Variants in DLG2 observed in about 807,000 individuals in gnomAD.
DLG2 encodes disks large homolog 2.
In DLG2, 45 loss-of-function variants were observed where a neutral mutation model predicts 132.5. That is an observed-to-expected ratio of 0.34 (90% CI 0.27 to 0.44). DLG2 has a LOEUF of 0.44. DLG2 is among the 20% of genes least tolerant of loss of function. The pLI, the probability that DLG2 is intolerant of heterozygous loss-of-function variation, is 1.00. For synonymous variants in DLG2, 424 were observed against 419.6 expected, an observed-to-expected ratio of 1.01 and a Z score of -0.13; for missense variants, 1,045 against 1,196.9, an observed-to-expected ratio of 0.87 and a Z score of 1.87.
chr11:83,802,121 A>G (rs2044575779), intron 17 of DLG2, among the ~76,000 whole-genome samples: 1 of 151,612 alleles, frequency 6.6e-6, no homozygotes, highest in Non-Finnish European at 1.5e-5. Context: ...CAGGCTAGAT[A>G]GCAGTGACAT....
chr11:84,114,950 G>A (rs758983231), intron 9 of DLG2, among the ~76,000 whole-genome samples: 1 of 151,872 alleles, frequency 6.6e-6, no homozygotes, highest in Non-Finnish European at 1.5e-5. Flanking sequence ...AATTACAGGA[G>A]TGAGCCACCT....
Position 84,506,079 on chromosome 11 carries a change from C to CTTTTTTTTTTTTTTTTTTTTTTTTTTT in DLG2, c.519+28490_519+28491insAAAAAAAAAAAAAAAAAAAAAAAAAAA, listed in dbSNP as rs779039240. 4.2e-4 allele frequency among the ~76,000 whole-genome samples: 45 copies of CTTTTTTTTTTTTTTTTTTTTTTTTTTT among 107,004 alleles called. 15 individuals are homozygous for CTTTTTTTTTTTTTTTTTTTTTTTTTTT. Among genetic ancestry groups the CTTTTTTTTTTTTTTTTTTTTTTTTTTT allele is most frequent in the African/African-American group, 2.2e-3 (44 of 19,720 alleles). 70.2% of individuals were successfully genotyped at this position (107,004 alleles called of 152,430 possible). A position where few individuals can be genotyped will look rare whatever the true frequency, so the allele number is the denominator to read the frequency against. ...CTAATGTTATGACAGAGGCTCAGTTCTTTTTTTTTTTTTTGAGACGGAGTC... is the reference window on the plus strand; with the variant it reads ...CTAATGTTATGACAGAGGCTCAGTTCTTTTTTTTTTTTTTTTTTTTTTTTTTTTTTTTTTTTTTTTTGAGACGGAGTC... On this transcript the variant is annotated intron_variant, in intron 7 of 27. Transcript: ENST00000376104.
At chr11:84,963,751 G>A (rs568383614) in intron 6 of DLG2, among the ~76,000 whole-genome samples, 41 of 152,198 alleles carry the variant, frequency 2.7e-4, no homozygotes, top group Non-Finnish European at 4.1e-4. Flanking sequence ...TGTCATGCTC[G>A]TGATTATCAT....
intron 14 of DLG2, among the ~76,000 whole-genome samples, chr11:83,947,304 T>C (rs1325606210): frequency 6.6e-6 from 1 of 152,334 alleles, no homozygotes; most frequent in South Asian, 2.1e-4. Flanking sequence ...TTTGCATGAC[T>C]TTTACAATTA....
At chr11:83,972,612 C>T (rs2091543114) in intron 12 of DLG2, among the ~76,000 whole-genome samples, 1 of 151,974 alleles carries the variant, frequency 6.6e-6, no homozygotes, top group Admixed American at 6.6e-5. Flanking sequence ...AAATAGTTGG[C>T]ACTTAATAAG....
chr11:84,331,836 A>C (rs2098461114), intron 7 of DLG2, among the ~76,000 whole-genome samples: 1 of 152,306 alleles, frequency 6.6e-6, no homozygotes, highest in Non-Finnish European at 1.5e-5. Flanking sequence ...GATCTCACGC[A>C]TAAGCCAATA....
At chr11:84,969,074 C>CAAA (rs375526999) in intron 6 of DLG2, among the ~76,000 whole-genome samples, 1 of 111,740 alleles carries the variant, frequency 8.9e-6, no homozygotes, top group Non-Finnish European at 1.9e-5. Context: ...TCTTCACTTG[C>CAAA]AAAAAAAAAA....
intron 5 of DLG2, among the ~76,000 whole-genome samples, chr11:85,153,186 T>G (rs1207877127): frequency 6.6e-6 from 1 of 152,210 alleles, no homozygotes; most frequent in Non-Finnish European, 1.5e-5. Flanking sequence ...ACATGACTAA[T>G]TTGTGATAGA....
At chr11:83,658,502 A>G (rs2073360258) in intron 18 of DLG2, among the ~76,000 whole-genome samples, 1 of 152,256 alleles carries the variant, frequency 6.6e-6, no homozygotes, top group Non-Finnish European at 1.5e-5. Context: ...TAGCTAAAGT[A>G]TATTTTGCAA....
chr11:83,947,503 T>C (rs1242673734), intron 14 of DLG2, among the ~76,000 whole-genome samples: 1 of 152,168 alleles, frequency 6.6e-6, no homozygotes, highest in Non-Finnish European at 1.5e-5. Flanking sequence ...ATTCACTTCT[T>C]AACCTCACTC....
rs1222486667 is a variant in DLG2 at position 84,307,695 on chromosome 11, C to CAAAAAAAA, written c.520-56412_520-56405dup. ...TGGGTGAAAGAGCGAGACGCAGTCT[C>CAAAAAAAA]AAAAAAAAAAAAAAAAAAAAAGAAG... On this transcript the variant is annotated intron_variant, in intron 7 of 27. Coordinates refer to ENST00000376104, the MANE Select transcript of DLG2 (RefSeq NM_001142699.3). Among the ~76,000 whole-genome samples, 89 of 77,962 alleles carry CAAAAAAAA rather than the reference C, an allele frequency of 1.1e-3. 2 individuals carry two copies. Among genetic ancestry groups the CAAAAAAAA allele is most frequent in the African/African-American group, 3.4e-3 (62 of 18,494 alleles). The allele number at this position is 77,962 out of a possible 152,430, so 51.1% of individuals were successfully genotyped here.
At chr11:85,267,125 G>A (rs138814296) in intron 4 of DLG2, among the ~76,000 whole-genome samples, 2 of 152,268 alleles carry the variant, frequency 1.3e-5, no homozygotes, top group East Asian at 3.9e-4. Context: ...GCCTTTGAAA[G>A]GTAATTGGGT....
At chr11:85,167,694 A>T (rs1487074594) in intron 4 of DLG2, among the ~76,000 whole-genome samples, 1 of 152,138 alleles carries the variant, frequency 6.6e-6, no homozygotes, top group African/African-American at 2.4e-5. Context: ...TTCAGCATAA[A>T]AATACACAGG....
intron 10 of DLG2, among the ~76,000 whole-genome samples, chr11:84,092,600 G>A (rs981218347): frequency 5.9e-5 from 9 of 152,158 alleles, no homozygotes; most frequent in African/African-American, 1.9e-4. Context: ...TTGATTTGAA[G>A]TCTGGTCTAC....
intron 4 of DLG2, among the ~76,000 whole-genome samples, chr11:85,194,180 C>A (rs529497527): frequency 6.6e-6 from 1 of 152,318 alleles, no homozygotes; most frequent in East Asian, 1.9e-4. Context: ...CATTTGGAGT[C>A]TGTGAAGACT....
intron 3 of DLG2, among the ~76,000 whole-genome samples, chr11:85,495,311 C>T (rs286526): frequency 0.76 from 115,309 of 152,020 alleles, 44,914 homozygotes; most frequent in Middle Eastern, 0.89. Flanking sequence ...TCTAGCAATT[C>T]ATCTCTTAGA....
chr11:85,427,059 A>G (rs938620296), intron 3 of DLG2, among the ~76,000 whole-genome samples: 4 of 152,216 alleles, frequency 2.6e-5, no homozygotes, highest in Admixed American at 6.5e-5. Flanking sequence ...AAATGAAGTG[A>G]GAAGGGAAGT....
chr11:85,519,066 G>T (rs1272480617), intron 3 of DLG2, among the ~76,000 whole-genome samples: 1 of 152,170 alleles, frequency 6.6e-6, no homozygotes, highest in East Asian at 1.9e-4. Flanking sequence ...TGCTGTGGGG[G>T]CAGGGCCCTC....
At chr11:85,002,308 A>G (rs36007224) in intron 6 of DLG2, among the ~76,000 whole-genome samples, 3,488 of 152,322 alleles carry the variant, frequency 0.023, 67 homozygotes, top group Non-Finnish European at 0.037. Context: ...TGCCTTAAAA[A>G]GAAAGGTATT....
Sources: gnomAD v4.1 joint callset for allele counts (sites outside exome capture counted in the v4.1 genomes callset) on GRCh38, gnomAD v4.1.1 for gene constraint, MANE v1.5 for transcripts, NCBI Gene and HGNC (gene_info 2026-07-23, HGNC 2026-07-21) for gene names.